CALN1: variants seen among roughly 807,000 people sequenced by gnomAD.
The protein encoded by CALN1 is calcium-binding protein 8.
CALN1 carries 17 observed loss-of-function variants against 30.6 expected under a neutral mutation model. The observed-to-expected ratio is 0.56, with a 90% CI of 0.38 to 0.83. The LOEUF is 0.83. Ranked by LOEUF, CALN1 falls within the 40% of genes least tolerant of loss-of-function variation. The probability of loss-of-function intolerance (pLI) is 0.00; values close to 1 mark genes in which losing one functional copy is unlikely to be tolerated. For synonymous variants in CALN1, 156 were observed against 131.4 expected (o/e 1.19, Z -1.28); for missense variants, 291 against 354.9 (o/e 0.82, Z 1.45).
intron 5 of CALN1, among the ~76,000 whole-genome samples, chr7:71,983,806 A>T (rs1180323147): frequency 1.3e-5 from 2 of 152,314 alleles, no homozygotes; most frequent in African/African-American, 4.8e-5. Flanking sequence ...TGCTGGGATT[A>T]CAGGCATGAG....
chr7:72,278,013 G>GGT (rs1554348534), intron 3 of CALN1, among the ~76,000 whole-genome samples: 1 of 138,572 alleles, frequency 7.2e-6, no homozygotes, highest in East Asian at 2.1e-4. Context: ...TATTCCGGGG[G>GGT]GGGGGGACTT....
At chr7:71,898,491 A>G (rs1434859024) in intron 5 of CALN1, among the ~76,000 whole-genome samples, 3 of 152,226 alleles carry the variant, frequency 2.0e-5, no homozygotes, top group Admixed American at 6.5e-5. Context: ...TACAAGAGAC[A>G]TAAAGCATAC....
Position 72,054,490 on chromosome 7 carries a change from TAC to T in CALN1, c.389-30723_389-30722del, listed in dbSNP as rs1224287075. Among the ~76,000 whole-genome samples the T allele has an allele frequency of 1.7e-3, 141 of 85,024 alleles. 2 individuals are homozygous for T. The highest frequency in any genetic ancestry group is 7.9e-3 in the African/African-American group (116 of 14,652). 55.8% of individuals were successfully genotyped at this position (85,024 alleles called of 152,430 possible). ...ATACATATATACATACATATATATA[TAC>T]ATATATACATATATATACATATATA... On this transcript the variant is annotated intron_variant, in intron 4 of 6. Transcript: ENST00000395275.
intron 5 of CALN1, among the ~76,000 whole-genome samples, chr7:71,824,057 T>A (rs556142710): frequency 6.6e-6 from 1 of 152,152 alleles, no homozygotes; most frequent in South Asian, 2.1e-4. Flanking sequence ...AAGATGAGAT[T>A]TGGGTGGGGA....
chr7:72,328,294 A>T (rs1378679443), intron 2 of CALN1, among the ~76,000 whole-genome samples: 4 of 152,150 alleles, frequency 2.6e-5, no homozygotes, highest in Non-Finnish European at 5.9e-5. Flanking sequence ...TAATTGAATC[A>T]TGGGGGTGGT....
chr7:71,917,632 G>C (rs1377533318), intron 5 of CALN1, among the ~76,000 whole-genome samples: 1 of 152,098 alleles, frequency 6.6e-6, no homozygotes, highest in Non-Finnish European at 1.5e-5. Context: ...CTCTCCATGG[G>C]GCAGCAGGAG....
At chr7:71,894,727 T>C (rs1793442161) in intron 5 of CALN1, among the ~76,000 whole-genome samples, 1 of 152,170 alleles carries the variant, frequency 6.6e-6, no homozygotes, top group Non-Finnish European at 1.5e-5. Context: ...AAACCCGTAG[T>C]GTTATTTATT....
intron 2 of CALN1, among the ~76,000 whole-genome samples, chr7:72,340,143 C>G (rs888083122): frequency 2.0e-5 from 3 of 152,202 alleles, no homozygotes; most frequent in African/African-American, 7.2e-5. Flanking sequence ...GGAAGCCACA[C>G]CTACAGGCCA....
At chr7:72,222,592 A>G (rs547818002) in intron 3 of CALN1, among the ~76,000 whole-genome samples, 1 of 152,216 alleles carries the variant, frequency 6.6e-6, no homozygotes, top group African/African-American at 2.4e-5. Context: ...TGAACATGAG[A>G]TTTGGGTGGG....
intron 5 of CALN1, among the ~76,000 whole-genome samples, chr7:71,987,741 C>G (rs1798748474): frequency 6.6e-6 from 1 of 152,226 alleles, no homozygotes; most frequent in Non-Finnish European, 1.5e-5. Flanking sequence ...GCAGTTCAGT[C>G]TCTTGCCTGC....
At chr7:72,409,756 G>A (rs1029127842) in intron 1 of CALN1, among the ~76,000 whole-genome samples, 2 of 152,078 alleles carry the variant, frequency 1.3e-5, no homozygotes, top group Admixed American at 1.3e-4. Flanking sequence ...GGACCCCATG[G>A]AACAGTGGTT....
chr7:72,315,069 T>C (rs1800347006), intron 2 of CALN1, among the ~76,000 whole-genome samples: 1 of 151,822 alleles, frequency 6.6e-6, no homozygotes, highest in African/African-American at 2.4e-5. Flanking sequence ...GAGGATCACT[T>C]AAGCTAGGGG....
In CALN1 at chr7:72,402,838, G is replaced by A. The variant is rs1257686236; in HGVS notation, c.119+413C>T. On this transcript the variant is annotated intron_variant, in intron 2 of 6. Coordinates refer to ENST00000395275, the MANE Select transcript of CALN1 (RefSeq NM_031468.4). ...TGCCTTTGGCTGTGATCTCAGTCAA[G>A]CTGCCTGTTTGTGTTACTTTCCTCC... is the stretch of plus-strand genomic sequence containing the variant. Among the ~76,000 whole-genome samples the A allele has an allele frequency of 2.0e-5, 3 of 152,150 alleles. No homozygotes were observed. In the East Asian group the frequency reaches 5.8e-4, roughly 29 times the overall value.
chr7:72,457,540 T>C, the CALN1 span, among the ~76,000 whole-genome samples: 1 of 151,996 alleles, frequency 6.6e-6, no homozygotes, highest in African/African-American at 2.4e-5. Context: ...CTCCTACATA[T>C]CCATCAAGGC....
chr7:72,031,380 G>A (rs1209786885), intron 4 of CALN1, among the ~76,000 whole-genome samples: 2 of 152,186 alleles, frequency 1.3e-5, no homozygotes, highest in African/African-American at 4.8e-5. Flanking sequence ...CACTTGCTAT[G>A]TGCCAGGCAC....
intron 3 of CALN1, among the ~76,000 whole-genome samples, chr7:72,130,418 A>G (rs1809058283): frequency 6.6e-6 from 1 of 152,174 alleles, no homozygotes; most frequent in Non-Finnish European, 1.5e-5. Flanking sequence ...TGAAAAAAAG[A>G]AGAAAGACTA....
chr7:72,018,541 C>T (rs1321443692), intron 5 of CALN1, among the ~76,000 whole-genome samples: 2 of 152,192 alleles, frequency 1.3e-5, no homozygotes, highest in African/African-American at 2.4e-5. Context: ...GAAAGCGGTT[C>T]TGAACTGGCT....
At chr7:72,145,220 C>T in intron 3 of CALN1, among the ~76,000 whole-genome samples, 1 of 151,948 alleles carries the variant, frequency 6.6e-6, no homozygotes, top group Non-Finnish European at 1.5e-5. Flanking sequence ...TGATAGATTG[C>T]TAGCAAGACT....
chr7:71,954,456 T>C (rs1796856046), intron 5 of CALN1, among the ~76,000 whole-genome samples: 1 of 151,510 alleles, frequency 6.6e-6, no homozygotes, highest in Non-Finnish European at 1.5e-5. Flanking sequence ...TGAGACTCCA[T>C]CTCGAAAACT....
Sources: allele counts gnomAD v4.1 joint callset (sites outside exome capture counted in the v4.1 genomes callset), GRCh38; gene constraint gnomAD v4.1.1; transcripts MANE v1.5; gene names NCBI Gene and HGNC (gene_info 2026-07-23, HGNC 2026-07-21).